SEC63: variants seen among roughly 807,000 people sequenced by gnomAD.
The protein encoded by SEC63 is translocation protein SEC63 homolog.
In SEC63, 56 loss-of-function variants were observed where a neutral mutation model predicts 116.2. That is an observed-to-expected ratio of 0.48 (90% CI 0.39 to 0.60). SEC63 has a LOEUF of 0.60. Among genes scored for constraint, SEC63 ranks in the 20% least tolerant of loss-of-function variants. SEC63 has a pLI of 0.00. For synonymous variants in SEC63, 273 were observed against 294.6 expected, an observed-to-expected ratio of 0.93 and a Z score of 0.75; for missense variants, 668 against 900.0, an observed-to-expected ratio of 0.74 and a Z score of 3.30.
In SEC63 at chr6:107,881,228, C is replaced by A. The variant is rs760998122; in HGVS notation, c.1856G>T (p.Ser619Ile). The A allele has an allele frequency of 6.2e-7, 1 of 1,612,292 alleles. No homozygotes were observed. Among genetic ancestry groups the A allele is most frequent in the Non-Finnish European group, 8.5e-7 (1 of 1,179,222 alleles). Residue 619 changes from serine to isoleucine, a missense_variant, in exon 18 of 21, where the codon AGC becomes ATC. By Grantham distance (142) the Ser-to-Ile change is moderately radical. Around this residue, in one of 5 missense-constraint regions of SEC63, gnomAD observed 430 missense variants for 557.5 expected, o/e 0.77. Transcript: ENST00000369002. ...TAGAGCTCTCTCTTTTCGCTGTATG[C>A]TTTGTTGTAATTCTTGCCACTCCTA... ...DEAEWQELQQ[S>I]IQRKERALLE...
intron 16 of SEC63, among the ~76,000 whole-genome samples, chr6:107,891,895 C>G (rs1277652415): frequency 1.3e-5 from 2 of 152,332 alleles, no homozygotes; most frequent in East Asian, 1.9e-4. Flanking sequence ...AGGCTGCAGA[C>G]CAGCAAAGAT....
At chr6:107,916,859 C>T (rs1183734066) in intron 4 of SEC63, among the ~76,000 whole-genome samples, 1 of 152,192 alleles carries the variant, frequency 6.6e-6, no homozygotes, top group Non-Finnish European at 1.5e-5. Context: ...TCTCCCACTC[C>T]TCATGCCTCC....
chr6:107,893,744 G>C, intron 15 of SEC63, 89 bp from the exon 16 acceptor site: 1 of 1,578,472 alleles, frequency 6.3e-7, no homozygotes, highest in Non-Finnish European at 8.7e-7. Context: ...TAGCTAAACT[G>C]AATTACTCTC....
At chr6:107,904,486 A>G (rs761548588) in intron 11 of SEC63, 143 bp downstream of exon 11, 1 of 677,854 alleles carries the variant, frequency 1.5e-6, no homozygotes, top group Non-Finnish European at 2.6e-6. Flanking sequence ...GGAAAGAAAT[A>G]TGAAAAGACA....
intron 10 of SEC63, among the ~76,000 whole-genome samples, chr6:107,905,247 T>C (rs951870523): frequency 6.6e-5 from 10 of 152,248 alleles, no homozygotes; most frequent in African/African-American, 2.4e-4. Context: ...AAAATGGAGA[T>C]GCTTATGTAT....
In SEC63 at chr6:107,893,886, T is replaced by C. The variant is rs1315589921; in HGVS notation, c.1452A>G (p.Glu484=). The part of the protein sequence containing the change: ...LTRQTMAEVF[E]KEQSICAAEE... ...CTGCAGCACAGATGGACTGCTCCTT[T>C]TCAAATACTTCCTGGGGGGCGGCAA... The change falls in exon 15 of 21, where the codon GAA becomes GAG. Residue 484 remains glutamate (E), a synonymous_variant. Transcript: ENST00000369002. The C allele has an allele frequency of 6.2e-7, 1 of 1,614,130 alleles. No individual in the cohort carries two copies. Among genetic ancestry groups the C allele is most frequent in the East Asian group, 2.2e-5 (1 of 44,876 alleles).
chr6:107,929,584 G>GTT, intron 1 of SEC63, 70 bp from the exon 2 acceptor site: 4 of 860,660 alleles, frequency 4.6e-6, no homozygotes, highest in Non-Finnish European at 7.9e-6. Flanking sequence ...CAGCTAACTG[G>GTT]TTAACTAACC....
At chr6:107,907,225 T>G (rs1486959656) in intron 8 of SEC63, among the ~76,000 whole-genome samples, 1 of 152,188 alleles carries the variant, frequency 6.6e-6, no homozygotes, top group Non-Finnish European at 1.5e-5. Context: ...ATTATAATTT[T>G]CCAAAAAAAT....
chr6:107,949,890 C>A (rs1386419068), intron 1 of SEC63, among the ~76,000 whole-genome samples: 3 of 152,218 alleles, frequency 2.0e-5, no homozygotes, highest in African/African-American at 7.2e-5. Context: ...CCCACCTCAG[C>A]TTCCCAAAGT....
intron 15 of SEC63, 70 bp downstream of exon 15, chr6:107,893,768 A>G (rs1172379671): frequency 1.2e-6 from 2 of 1,600,098 alleles, no homozygotes; most frequent in African/African-American, 2.7e-5. Flanking sequence ...GAGCAATATA[A>G]GTCAATTGGA....
chr6:107,935,129 GC>G (rs955195301), intron 1 of SEC63, among the ~76,000 whole-genome samples: 6 of 144,440 alleles, frequency 4.2e-5, no homozygotes, highest in South Asian at 4.4e-4. Context: ...GGGGGGGTCA[GC>G]CCCCCGCCCA....
At chr6:107,896,987 A>G (rs1170011668) in intron 14 of SEC63, among the ~76,000 whole-genome samples, 2 of 150,830 alleles carry the variant, frequency 1.3e-5, no homozygotes, top group African/African-American at 4.9e-5. Context: ...TCAAAAAAGA[A>G]AAAAAAAAGA....
rs879104125 is a variant in SEC63 at position 107,897,562 on chromosome 6, C to G, written c.1440+87G>C. 5 of 944,232 alleles carry G rather than the reference C, an allele frequency of 5.3e-6. No individual in the cohort carries two copies. In the South Asian group the frequency reaches 6.9e-5, roughly 13 times the overall value. The allele number at this position is 944,232 out of a possible 1,614,324, so 58.5% of individuals were successfully genotyped here. On this transcript the variant is annotated intron_variant, in intron 14 of 20. Transcript: ENST00000369002. ...GCAAAATTAGATCTTGGTATTACAA[C>G]AGTTTTGACTTTGACAATGAGGGAA... is the stretch of plus-strand genomic sequence containing the variant.
intron 6 of SEC63, 38 bp from the exon 7 acceptor site, chr6:107,911,434 G>A: frequency 7.1e-7 from 1 of 1,415,892 alleles, no homozygotes; most frequent in Non-Finnish European, 1.0e-6. Flanking sequence ...GCCTTCGTCA[G>A]GTAAATTAAA....
chr6:107,888,398 G>A (rs147480628), intron 16 of SEC63, among the ~76,000 whole-genome samples: 6,868 of 152,202 alleles, frequency 0.045, 479 homozygotes, highest in African/African-American at 0.16. Context: ...CTGTTTGTAT[G>A]TTATTGGTGT....
At chr6:107,912,628 A>T in intron 6 of SEC63, 88 bp downstream of exon 6, 1 of 782,908 alleles carries the variant, frequency 1.3e-6, no homozygotes, top group Admixed American at 1.9e-5. Context: ...TTTCTTTGTA[A>T]TAGTTCTTCT....
intron 1 of SEC63, among the ~76,000 whole-genome samples, chr6:107,949,423 G>C (rs576530873): frequency 2.0e-5 from 3 of 151,942 alleles, no homozygotes; most frequent in Admixed American, 2.0e-4. Flanking sequence ...AGATCACTTG[G>C]GCCCAGGAGT....
intron 4 of SEC63, among the ~76,000 whole-genome samples, chr6:107,919,202 C>T (rs1009610688): frequency 6.6e-6 from 1 of 152,100 alleles, no homozygotes; most frequent in African/African-American, 2.4e-5. Context: ...TGAGCTACCG[C>T]GCCTGGCCAG....
At chr6:107,928,111 A>G (rs1213685323) in intron 2 of SEC63, among the ~76,000 whole-genome samples, 1 of 152,036 alleles carries the variant, frequency 6.6e-6, no homozygotes, top group Non-Finnish European at 1.5e-5. Flanking sequence ...TCTTTTCAAG[A>G]CTAACTTTGC....
Sources: gnomAD v4.1 joint callset for allele counts (sites outside exome capture counted in the v4.1 genomes callset) on GRCh38, gnomAD v4.1.1 for gene constraint, gnomAD v4.1.1 regional missense constraint, MANE v1.5 for transcripts, NCBI Gene and HGNC (gene_info 2026-07-23, HGNC 2026-07-21) for gene names.